TMEM63A: variants seen among roughly 807,000 people sequenced by gnomAD.
TMEM63A encodes the protein transmembrane protein 63A.
Under a neutral mutation model 100.6 loss-of-function variants are expected in TMEM63A, and 76 were observed. That is an observed-to-expected ratio of 0.76 (90% CI 0.63 to 0.91). The LOEUF is 0.91. TMEM63A is among the 40% of genes least tolerant of loss of function. TMEM63A has a pLI of 0.00. For missense variants in TMEM63A, 876 were observed against 1,008.8 expected, an observed-to-expected ratio of 0.87 and a Z score of 1.78; for synonymous variants, 401 against 401.1, an observed-to-expected ratio of 1.00 and a Z score of 0.00.
At chr1:225,856,033 C>A (rs528487142) in intron 17 of TMEM63A, 93 bp from the exon 18 acceptor site, 22 of 1,335,518 alleles carry the variant, frequency 1.6e-5, no homozygotes. Context: ...AAAAACAGGC[C>A]AAAGCTCGAG....
At chr1:225,872,130 A>C in intron 4 of TMEM63A, 77 bp from the exon 5 acceptor site, 1 of 1,161,460 alleles carries the variant, frequency 8.6e-7, no homozygotes, top group Non-Finnish European at 1.2e-6. Flanking sequence ...AAAAGATCAC[A>C]TCCAGTATTT....
downstream of TMEM63A, chr1:225,844,655 C>T (rs1053267316): frequency 1.9e-6 from 3 of 1,612,842 alleles, no homozygotes; most frequent in Non-Finnish European, 2.5e-6. Flanking sequence ...ACAGGGGCCT[C>T]TGAGGCTGGA....
Position 225,857,015 on chromosome 1 carries a change from G to T in TMEM63A, c.1380C>A (p.Asn460Lys). Residue 460 changes from asparagine (N) to lysine (K), a missense_variant and splice_region_variant, in exon 16 of 25, where the codon AAC becomes AAA. Around this residue, in one of 5 missense-constraint regions of TMEM63A, gnomAD observed 487 missense variants for 581.9 expected, o/e 0.84. Coordinates refer to ENST00000366835, the MANE Select transcript of TMEM63A (RefSeq NM_014698.3). ...TGGGGAAGAACTGGCTGATGATCGG[G>T]TTCTAGGAGAAAGGTCCACAGCAGA... ...NVTKPIHALN[N>K]PIISQFFPTL... 6.3e-7 allele frequency: 1 copy of T among 1,578,232 alleles called. No individual in the cohort carries two copies. Among genetic ancestry groups the T allele is most frequent in the Non-Finnish European group, 8.6e-7 (1 of 1,168,406 alleles).
chr1:225,860,749 A>C, intron 14 of TMEM63A, 111 bp downstream of exon 14: 2 of 1,333,496 alleles, frequency 1.5e-6, no homozygotes, highest in Non-Finnish European at 2.0e-6. Context: ...AGAATTGCAG[A>C]TGTGTGGAGA....
rs1670171848 is a variant in TMEM63A, at chr1:225,865,774, G to T, written c.746+123C>A. 5 of 971,128 alleles carry T rather than the reference G, an allele frequency of 5.1e-6. No homozygotes were observed. The highest frequency in any genetic ancestry group is 1.6e-5 in the African/African-American group (1 of 61,816). 60.2% of individuals were successfully genotyped at this position (971,128 alleles called of 1,614,324 possible). A position where few individuals can be genotyped will look rare whatever the true frequency, so the allele number is the denominator to read the frequency against. Reference sequence around the variant, plus strand: ...GTGTGGCAGGGCCAGGTCCTTCTCAGATCTCACCTGGATACCCAAGCGAGA... The same window carrying T: ...GTGTGGCAGGGCCAGGTCCTTCTCATATCTCACCTGGATACCCAAGCGAGA... On this transcript the variant is annotated intron_variant, in intron 10 of 24. Transcript: ENST00000366835. This position sits in a 1 kb window ranked among gnomAD's most constrained non-coding sequence, Gnocchi z 4.6.
Position 225,874,380 on chromosome 1 carries a change from A to C in TMEM63A, c.187-13T>G. 6.2e-7 allele frequency: 1 copy of C among 1,610,124 alleles called. No homozygotes were observed. Among genetic ancestry groups the C allele is most frequent in the Middle Eastern group, 1.7e-4 (1 of 6,040 alleles). ...CCAAGATTAAGAACTAAAAACAGAA[A>C]AGAAACCAAGTAAAAGCATATTGGA... On this transcript the variant is annotated splice_polypyrimidine_tract_variant and intron_variant, in intron 3 of 24. Transcript: ENST00000366835.
rs914183393 is a variant in TMEM63A at position 225,845,611 on chromosome 1, C to A, written c.*1328G>T. On this transcript the variant is annotated 3_prime_UTR_variant, in exon 25 of 25. Transcript: ENST00000366835. ...AGCGTGCGCTGACCCCACATGGGGC[C>A]CCCTGTGCAAGCAGAGCTGGCCGGC... The A allele has an allele frequency of 9.1e-6, 5 of 548,094 alleles. No homozygotes were observed. Among genetic ancestry groups the A allele is most frequent in the Non-Finnish European group, 1.3e-5 (4 of 304,862 alleles). The allele number at this position is 548,094 out of a possible 1,614,324, so 34.0% of individuals were successfully genotyped here. A position where few individuals can be genotyped will look rare whatever the true frequency, so the allele number is the denominator to read the frequency against.
chr1:225,853,811 G>C lies in TMEM63A; in HGVS notation c.1635-20C>G. ...ACGCACCTGGGGAAACCAGGGCCCA[G>C]GTCTGTGAGCTGAGAGCCGCTCTTG... On this transcript the variant is annotated intron_variant, in intron 18 of 24. Coordinates refer to ENST00000366835, the MANE Select transcript of TMEM63A (RefSeq NM_014698.3). This position sits in a 1 kb window ranked among gnomAD's most constrained non-coding sequence, Gnocchi z 4.0. The C allele has an allele frequency of 6.3e-7, 1 of 1,575,418 alleles. No individual in the cohort carries two copies. Among genetic ancestry groups the C allele is most frequent in the Non-Finnish European group, 8.6e-7 (1 of 1,160,952 alleles).
At chr1:225,850,597 T>C (rs2102817760) in intron 20 of TMEM63A, among the ~76,000 whole-genome samples, 1 of 152,304 alleles carries the variant, frequency 6.6e-6, no homozygotes, top group East Asian at 1.9e-4. Context: ...TCGAGACCTT[T>C]GTCATTTAGT....
chr1:225,871,854 G>T, intron 5 of TMEM63A, 133 bp downstream of exon 5: 1 of 657,980 alleles, frequency 1.5e-6, no homozygotes, highest in Non-Finnish European at 2.7e-6. Flanking sequence ...CCCAAGTTCA[G>T]GTGCCTTCGT....
chr1:225,845,357 CT>C, downstream of TMEM63A: 1 of 1,519,508 alleles, frequency 6.6e-7, no homozygotes, highest in Non-Finnish European at 8.9e-7. Flanking sequence ...ACCCACCCCT[CT>C]CCCCCCGCCT....
At chr1:225,857,669 C>G (rs1042536716) in intron 15 of TMEM63A, among the ~76,000 whole-genome samples, 1 of 151,794 alleles carries the variant, frequency 6.6e-6, no homozygotes, top group East Asian at 1.9e-4. Flanking sequence ...AAGGGATATG[C>G]GATCTAGGAA....
chr1:225,861,559 G>A (rs539305992), intron 13 of TMEM63A: 1 of 154,210 alleles, frequency 6.5e-6, no homozygotes, highest in South Asian at 2.0e-4. Context: ...TGTCTGCAAG[G>A]AGGCAGGAAG....
chr1:225,871,974 C>T lies in TMEM63A; in HGVS notation c.333+13G>A. The T allele has an allele frequency of 1.9e-6, 3 of 1,609,226 alleles. No homozygotes were observed. The highest frequency in any genetic ancestry group is 1.3e-5 in the African/African-American group (1 of 74,840). On this transcript the variant is annotated intron_variant, in intron 5 of 24. Coordinates refer to ENST00000366835, the MANE Select transcript of TMEM63A (RefSeq NM_014698.3). ...CCCCTGGCCATGACCACAACTGGGC[C>T]TTAGATACCAACCAGCTCATTTTCA...
intron 14 of TMEM63A, chr1:225,859,755 C>G (rs1669841528): frequency 5.2e-6 from 1 of 192,858 alleles, no homozygotes; most frequent in Non-Finnish European, 1.1e-5. Flanking sequence ...AAGCAATTCT[C>G]CTGCTCAGCC....
chr1:225,874,804 C>T (rs529126116), intron 3 of TMEM63A, among the ~76,000 whole-genome samples: 14 of 152,294 alleles, frequency 9.2e-5, no homozygotes, highest in Admixed American at 7.2e-4. Context: ...TTTTTTCTTT[C>T]GGCTCACTGC....
In TMEM63A at chr1:225,859,340, G is replaced by A; in HGVS notation, c.1233C>T (p.Leu411=). The change falls in exon 15 of 25, where the codon CTC becomes CTT. Residue 411 remains leucine (L), a synonymous_variant. Coordinates refer to ENST00000366835, the MANE Select transcript of TMEM63A (RefSeq NM_014698.3). The part of the protein sequence containing the change: ...ADPEDICWKN[L]SIQGLRWWLQ... ...GCCACCAGCGGAGGCCCTGGATAGAGAGGTTCTTCCTGCAGCGGGAGAGGG... is the reference window on the plus strand; with the variant it reads ...GCCACCAGCGGAGGCCCTGGATAGAAAGGTTCTTCCTGCAGCGGGAGAGGG... 6.2e-7 allele frequency: 1 copy of A among 1,613,998 alleles called. No individual in the cohort carries two copies. The highest frequency in any genetic ancestry group is 8.5e-7 in the Non-Finnish European group (1 of 1,180,026).
intron 21 of TMEM63A, 115 bp downstream of exon 21, chr1:225,849,797 A>G (rs1669231241): frequency 7.4e-7 from 1 of 1,344,144 alleles, no homozygotes; most frequent in African/African-American, 1.4e-5. Flanking sequence ...TCTGGGCACC[A>G]CATTCTGACT....
intron 1 of TMEM63A, among the ~76,000 whole-genome samples, chr1:225,881,751 G>T (rs1278562054): frequency 6.6e-6 from 1 of 152,190 alleles, no homozygotes; most frequent in Non-Finnish European, 1.5e-5. Flanking sequence ...TGGAACCTTT[G>T]CGGATTTGGT....
Sources: gnomAD v4.1 joint callset for allele counts (sites outside exome capture counted in the v4.1 genomes callset) on GRCh38, gnomAD v4.1.1 for gene constraint, gnomAD v4.1.1 regional missense constraint, Gnocchi (gnomAD v3.1) non-coding constraint, MANE v1.5 for transcripts, NCBI Gene and HGNC (gene_info 2026-07-23, HGNC 2026-07-21) for gene names.